The following STAMBPL1 variants were observed in gnomAD, a reference collection of about 807,000 sequenced individuals.
The protein encoded by STAMBPL1 is STAM binding protein like 1.
STAMBPL1 carries 44 observed loss-of-function variants against 52.9 expected under a neutral mutation model. The ratio of observed to expected loss-of-function variants is 0.83; its 90% CI spans 0.65 to 1.07. The LOEUF is 1.07. Among genes scored for constraint, STAMBPL1 ranks in the 50% least tolerant of loss-of-function variants. The pLI, the probability that STAMBPL1 is intolerant of heterozygous loss-of-function variation, is 0.00. For synonymous variants in STAMBPL1, 164 were observed against 177.3 expected, an observed-to-expected ratio of 0.92 and a Z score of 0.60; for missense variants, 511 against 520.8, an observed-to-expected ratio of 0.98 and a Z score of 0.18.
chr10:88,889,613 G>A lies in STAMBPL1; in HGVS notation c.-54+8975G>A, dbSNP rs548965478. ...AAAGATTTTTAAAAGTACTATTCAA[G>A]CATTTACAGAATATTTTATTTTAAA... On this transcript the variant is annotated intron_variant, in intron 1 of 10. Transcript: ENST00000371926. Among the ~76,000 whole-genome samples the A allele has an allele frequency of 1.8e-3, 272 of 152,084 alleles. 1 individual carries two copies. The highest frequency in any genetic ancestry group is 6.3e-3 in the African/African-American group (262 of 41,492).
chr10:88,893,131 A>G (rs985198131), intron 1 of STAMBPL1, among the ~76,000 whole-genome samples: 2 of 152,230 alleles, frequency 1.3e-5, no homozygotes, highest in Non-Finnish European at 2.9e-5. Flanking sequence ...AGAGCAAATT[A>G]GCAAGTTCAT....
intron 5 of STAMBPL1, chr10:88,912,851 A>C: frequency 9.3e-6 from 4 of 429,898 alleles, no homozygotes; most frequent in Non-Finnish European, 1.7e-5. Flanking sequence ...GCATTAGGGA[A>C]TGAAGGGATC....
At chr10:88,883,734 T>C (rs1230177368) in intron 1 of STAMBPL1, among the ~76,000 whole-genome samples, 1 of 152,232 alleles carries the variant, frequency 6.6e-6, no homozygotes, top group Non-Finnish European at 1.5e-5. Flanking sequence ...CTTAGAGACA[T>C]TAATTTGACT....
intron 6 of STAMBPL1, among the ~76,000 whole-genome samples, chr10:88,914,071 G>T (rs1382018671): frequency 6.6e-6 from 1 of 152,110 alleles, no homozygotes; most frequent in African/African-American, 2.4e-5. Flanking sequence ...GCGATAATAG[G>T]CAACCATTTT....
intron 1 of STAMBPL1, among the ~76,000 whole-genome samples, chr10:88,892,563 A>G (rs1466091739): frequency 6.6e-6 from 1 of 152,218 alleles, no homozygotes; most frequent in Non-Finnish European, 1.5e-5. Flanking sequence ...TGCCAGAATA[A>G]GGAGCTCTTC....
chr10:88,909,271 GAA>G (rs1406023186), intron 4 of STAMBPL1, among the ~76,000 whole-genome samples: 2 of 152,244 alleles, frequency 1.3e-5, no homozygotes, highest in East Asian at 3.9e-4. Context: ...TACTATAAAG[GAA>G]AAAGAGTGTT....
chr10:88,894,687 AT>A (rs1006995016), intron 1 of STAMBPL1, among the ~76,000 whole-genome samples: 1 of 152,162 alleles, frequency 6.6e-6, no homozygotes, highest in African/African-American at 2.4e-5. Flanking sequence ...CTTTTAAGTG[AT>A]TTTTTTCTAA....
At chr10:88,916,556 GTCCCTGT>G (rs1845374272) in intron 7 of STAMBPL1, 117 bp from the exon 8 acceptor site, 1 of 718,070 alleles carries the variant, frequency 1.4e-6, no homozygotes, top group African/African-American at 1.9e-5. Flanking sequence ...GATGTAAGTG[GTCCCTGT>G]ACCTGGACAC....
At chr10:88,909,266 T>C (rs2133186401) in intron 4 of STAMBPL1, among the ~76,000 whole-genome samples, 1 of 152,280 alleles carries the variant, frequency 6.6e-6, no homozygotes, top group South Asian at 2.1e-4. Context: ...TAAAATACTA[T>C]AAAGGAAAAA....
At chr10:88,900,754 T>G (rs1230624973) in intron 1 of STAMBPL1, among the ~76,000 whole-genome samples, 1 of 152,232 alleles carries the variant, frequency 6.6e-6, no homozygotes, top group African/African-American at 2.4e-5. Context: ...AATATACATG[T>G]ATTATCTTGC....
intron 5 of STAMBPL1, among the ~76,000 whole-genome samples, chr10:88,912,122 G>T (rs1275285083): frequency 6.6e-6 from 1 of 152,192 alleles, no homozygotes; most frequent in Non-Finnish European, 1.5e-5. Flanking sequence ...AGCAATGCCT[G>T]TGAGCCCTTG....
chr10:88,916,627 A>ATTTT, intron 7 of STAMBPL1, 53 bp from the exon 8 acceptor site: 1 of 1,158,792 alleles, frequency 8.6e-7, no homozygotes, highest in Admixed American at 2.5e-5. Flanking sequence ...CTGTTCAGTT[A>ATTTT]TTTTTTTTTT....
intron 3 of STAMBPL1, among the ~76,000 whole-genome samples, 178 bp from the exon 4 acceptor site, chr10:88,908,524 T>C (rs1845133946): frequency 6.6e-6 from 1 of 152,216 alleles, no homozygotes; most frequent in South Asian, 2.1e-4. Context: ...GCTTAACCAT[T>C]AATACCAAAA....
intron 1 of STAMBPL1, chr10:88,882,615 C>A (rs1844434238): frequency 6.6e-6 from 1 of 152,202 alleles, no homozygotes; most frequent in Non-Finnish European, 1.5e-5. Flanking sequence ...GTGCTAGGTG[C>A]TTTCCTGGTG....
At chr10:88,916,565 C>A in intron 7 of STAMBPL1, 115 bp from the exon 8 acceptor site, 3 of 901,848 alleles carry the variant, frequency 3.3e-6, no homozygotes, top group Non-Finnish European at 4.4e-6. Flanking sequence ...GGTCCCTGTA[C>A]CTGGACACAC....
chr10:88,896,703 C>T (rs1015432679), intron 1 of STAMBPL1, among the ~76,000 whole-genome samples: 1 of 152,132 alleles, frequency 6.6e-6, no homozygotes, highest in South Asian at 2.1e-4. Flanking sequence ...GTGATGGTCT[C>T]GCTGGCTGTT....
At chr10:88,892,931 A>G (rs1350536124) in intron 1 of STAMBPL1, among the ~76,000 whole-genome samples, 1 of 152,240 alleles carries the variant, frequency 6.6e-6, no homozygotes, top group Non-Finnish European at 1.5e-5. Flanking sequence ...AAATGATGCT[A>G]TTTCAAACAT....
intron 1 of STAMBPL1, among the ~76,000 whole-genome samples, chr10:88,893,291 A>G (rs545844900): frequency 1.5e-4 from 23 of 152,360 alleles, no homozygotes; most frequent in Non-Finnish European, 1.9e-4. Context: ...AGCATATGAA[A>G]TGCCTTTGAT....
chr10:88,895,329 C>T (rs186918192), intron 1 of STAMBPL1, among the ~76,000 whole-genome samples: 12 of 152,312 alleles, frequency 7.9e-5, no homozygotes, highest in Admixed American at 7.8e-4. Context: ...GCCAACCAGC[C>T]AAGTCCTGAC....
Sources: gnomAD v4.1 joint callset for allele counts (sites outside exome capture counted in the v4.1 genomes callset) on GRCh38, gnomAD v4.1.1 for gene constraint, MANE v1.5 for transcripts, NCBI Gene and HGNC (gene_info 2026-07-23, HGNC 2026-07-21) for gene names.